Variants in ARHGEF4 observed in about 807,000 individuals in gnomAD.
The protein encoded by ARHGEF4 is APC-stimulated guanine nucleotide exchange factor 1.
ARHGEF4 carries 119 observed loss-of-function variants against 162.0 expected under a neutral mutation model. The ratio of observed to expected loss-of-function variants is 0.73; its 90% CI spans 0.63 to 0.86. ARHGEF4 has a LOEUF of 0.86. Among genes scored for constraint, ARHGEF4 ranks in the 40% least tolerant of loss-of-function variants. The probability of loss-of-function intolerance (pLI) is 0.00; values close to 1 mark genes in which losing one functional copy is unlikely to be tolerated. For synonymous variants in ARHGEF4, 1,014 were observed against 979.9 expected, an observed-to-expected ratio of 1.03 and a Z score of -0.65; for missense variants, 2,488 against 2,456.0, an observed-to-expected ratio of 1.01 and a Z score of -0.28.
chr2:130,891,163 G>A (rs545760677), intron 1 of ARHGEF4, among the ~76,000 whole-genome samples: 31 of 152,296 alleles, frequency 2.0e-4, no homozygotes, highest in Middle Eastern at 3.4e-3. Flanking sequence ...TGAGCTCCTC[G>A]AGGGCAGGGG....
At chr2:130,989,754 C>G (rs988439202) in intron 4 of ARHGEF4, among the ~76,000 whole-genome samples, 2 of 152,242 alleles carry the variant, frequency 1.3e-5, no homozygotes, top group African/African-American at 4.8e-5. Context: ...AGGCTTGTCT[C>G]TGTCAACTTT....
chr2:130,933,313 C>T (rs1682752491), intron 3 of ARHGEF4, among the ~76,000 whole-genome samples: 1 of 151,926 alleles, frequency 6.6e-6, no homozygotes, highest in African/African-American at 2.4e-5. Flanking sequence ...TATGTCAGTA[C>T]CACATTGTTT....
intron 4 of ARHGEF4, among the ~76,000 whole-genome samples, chr2:130,977,582 TTGTG>T (rs1162395589): frequency 6.6e-6 from 1 of 151,976 alleles, no homozygotes; most frequent in Non-Finnish European, 1.5e-5. Flanking sequence ...TACATGTATG[TTGTG>T]TATGTGTGGT....
chr2:131,032,146 G>A (rs1290332117), intron 5 of ARHGEF4, among the ~76,000 whole-genome samples: 1 of 152,064 alleles, frequency 6.6e-6, no homozygotes, highest in Non-Finnish European at 1.5e-5. Context: ...CTTCCAGCCT[G>A]GTGAGGATGA....
intron 3 of ARHGEF4, among the ~76,000 whole-genome samples, chr2:130,935,628 T>C (rs1325967063): frequency 6.6e-6 from 1 of 152,256 alleles, no homozygotes; most frequent in Non-Finnish European, 1.5e-5. Flanking sequence ...TTTTCTTTCT[T>C]GTGAAATCTT....
At chr2:130,955,062 C>CT (rs1228618736) in intron 4 of ARHGEF4, among the ~76,000 whole-genome samples, 2 of 152,114 alleles carry the variant, frequency 1.3e-5, no homozygotes, top group Non-Finnish European at 2.9e-5. Context: ...TTCAAACCAG[C>CT]TGTTGAGCCC....
chr2:130,866,034 T>C (rs1335463246), intron 1 of ARHGEF4, among the ~76,000 whole-genome samples: 1 of 152,130 alleles, frequency 6.6e-6, no homozygotes, highest in African/African-American at 2.4e-5. Context: ...TGCTGCTAAG[T>C]TAGGTCCAGG....
intron 4 of ARHGEF4, among the ~76,000 whole-genome samples, chr2:131,016,105 T>G (rs923805558): frequency 1.3e-5 from 2 of 152,074 alleles, no homozygotes; most frequent in Admixed American, 1.3e-4. Flanking sequence ...CCCCACCCTC[T>G]TGCTTCTGGG....
intron 4 of ARHGEF4, among the ~76,000 whole-genome samples, chr2:131,005,381 T>A (rs945697527): frequency 4.6e-5 from 7 of 152,136 alleles, no homozygotes. Flanking sequence ...CACACAGGGC[T>A]GCCCTCCAGC....
intron 4 of ARHGEF4, among the ~76,000 whole-genome samples, chr2:131,003,208 C>A (rs1187286448): frequency 1.3e-5 from 2 of 152,176 alleles, no homozygotes; most frequent in East Asian, 3.9e-4. Flanking sequence ...GGAGGACCAT[C>A]CCGCACGCAC....
Position 130,837,414 on chromosome 2 carries a change from G to A in ARHGEF4, c.39+422G>A, listed in dbSNP as rs1385999594. ...CCAGCTGTTTTGGGAAGGAGGGCTG[G>A]TGCCGGCCCGGTGGGTACGGGAGAA... On this transcript the variant is annotated intron_variant, in intron 1 of 13. Transcript: ENST00000409359. 2.1e-5 allele frequency: 7 copies of A among 327,932 alleles called. No homozygotes were observed. The Admixed American group carries it at 2.2e-4, about 10-fold the overall frequency. 20.3% of individuals were successfully genotyped at this position (327,932 alleles called of 1,614,324 possible). A position where few individuals can be genotyped will look rare whatever the true frequency, so the allele number is the denominator to read the frequency against.
chr2:131,035,612 C>CCG, intron 5 of ARHGEF4: 1 of 979,620 alleles, frequency 1.0e-6, no homozygotes, highest in Non-Finnish European at 1.2e-6. Context: ...GGTGAGCGAC[C>CCG]CGCGCTTGCA....
chr2:130,984,586 G>A (rs1053931664), intron 4 of ARHGEF4, among the ~76,000 whole-genome samples: 14 of 151,766 alleles, frequency 9.2e-5, no homozygotes, highest in Admixed American at 6.6e-4. Flanking sequence ...CTACTCGGGA[G>A]GCTGAGGCAG....
chr2:130,910,666 G>C (rs550411035), intron 1 of ARHGEF4, among the ~76,000 whole-genome samples: 1 of 152,256 alleles, frequency 6.6e-6, no homozygotes, highest in African/African-American at 2.4e-5. Flanking sequence ...ACACTGCACC[G>C]ACCCATTAGA....
At chr2:130,850,682 C>T (rs1340268242) in intron 1 of ARHGEF4, among the ~76,000 whole-genome samples, 1 of 152,242 alleles carries the variant, frequency 6.6e-6, no homozygotes, top group Non-Finnish European at 1.5e-5. Context: ...GGTGGTATCC[C>T]TACCCCATGT....
At chr2:130,953,718 C>A (rs1440714421) in intron 4 of ARHGEF4, among the ~76,000 whole-genome samples, 2 of 152,170 alleles carry the variant, frequency 1.3e-5, no homozygotes, top group Non-Finnish European at 2.9e-5. Flanking sequence ...AAGAAAAAAA[C>A]AACCCTGTCA....
rs1681505954 is a variant in ARHGEF4 at position 130,916,476 on chromosome 2, G to A, written c.2530G>A (p.Asp844Asn). The A allele has an allele frequency of 6.5e-7, 1 of 1,545,292 alleles. No individual in the cohort carries two copies. ...RENPPAAAGR[D>N]APPLHHGDAS... ...GAATCCGCCCGCTGCGGCCGGTCGG[G>A]ACGCACCGCCTCTGCACCACGGGGA... The change falls in exon 2 of 14, where the codon GAC becomes AAC. Residue 844 changes from aspartate (D) to asparagine (N), a missense_variant. By Grantham distance (23) the Asp-to-Asn change is conservative (BLOSUM62 1). Around this residue, in one of 6 missense-constraint regions of ARHGEF4, gnomAD observed 1,642 missense variants for 1,481.5 expected, o/e 1.11. Coordinates refer to ENST00000409359, the MANE Select transcript of ARHGEF4 (RefSeq NM_001367493.1).
At chr2:130,941,700 A>G (rs1683309571) in intron 3 of ARHGEF4, among the ~76,000 whole-genome samples, 1 of 152,160 alleles carries the variant, frequency 6.6e-6, no homozygotes, top group African/African-American at 2.4e-5. Context: ...AAGAGAAAAT[A>G]TATTTACTAT....
At chr2:131,039,579 T>G (rs1344653049) in intron 6 of ARHGEF4, 1 of 1,034,564 alleles carries the variant, frequency 9.7e-7, no homozygotes, top group Non-Finnish European at 1.2e-6. Flanking sequence ...GCCCTGGTGT[T>G]CAGATGCTCC....
Sources: gnomAD v4.1 joint callset for allele counts (sites outside exome capture counted in the v4.1 genomes callset) on GRCh38, gnomAD v4.1.1 for gene constraint, gnomAD v4.1.1 regional missense constraint, MANE v1.5 for transcripts, NCBI Gene and HGNC (gene_info 2026-07-23, HGNC 2026-07-21) for gene names.